Variants in MAP2 observed in about 807,000 individuals in gnomAD.
MAP2 encodes microtubule associated protein 2, also known as microtubule-associated protein 2.
A neutral mutation model predicts 137.6 loss-of-function variants in MAP2; 14 were observed. The observed-to-expected ratio is 0.10, with a 90% CI of 0.07 to 0.16. MAP2 has a LOEUF of 0.16. Among genes scored for constraint, MAP2 ranks in the 10% least tolerant of loss-of-function variants. The pLI, the probability that MAP2 is intolerant of heterozygous loss-of-function variation, is 1.00. For missense variants in MAP2, 2,088 were observed against 2,191.5 expected, an observed-to-expected ratio of 0.95 and a Z score of 0.94; for synonymous variants, 786 against 782.3, an observed-to-expected ratio of 1.00 and a Z score of -0.08.
intron 1 of MAP2, among the ~76,000 whole-genome samples, chr2:209,458,168 A>T (rs1559187009): frequency 1.3e-5 from 2 of 152,062 alleles, no homozygotes; most frequent in African/African-American, 4.8e-5. Context: ...GCTTGGCTAT[A>T]CTCCCAGAAC....
At chr2:209,637,019 A>G (rs2093625213) in intron 4 of MAP2, among the ~76,000 whole-genome samples, 2 of 152,182 alleles carry the variant, frequency 1.3e-5, no homozygotes, top group Non-Finnish European at 2.9e-5. Context: ...TTGAAATTAT[A>G]CATTAAAAGT....
chr2:209,617,370 C>A (rs965662669), intron 3 of MAP2, among the ~76,000 whole-genome samples: 1 of 152,110 alleles, frequency 6.6e-6, no homozygotes. Flanking sequence ...CTTGCCAAAC[C>A]TACCTAATCA....
chr2:209,434,941 ATG>A (rs1403636697), intron 1 of MAP2, among the ~76,000 whole-genome samples: 59 of 141,140 alleles, frequency 4.2e-4, no homozygotes, highest in Non-Finnish European at 2.0e-4. Flanking sequence ...TGTTATATAT[ATG>A]TGTTTTATAT....
At chr2:209,587,712 A>C (rs2078117444) in intron 3 of MAP2, among the ~76,000 whole-genome samples, 1 of 152,152 alleles carries the variant, frequency 6.6e-6, no homozygotes. Flanking sequence ...CCATCCTTCA[A>C]GGCAGAGTAG....
intron 1 of MAP2, among the ~76,000 whole-genome samples, chr2:209,501,037 C>CAG: frequency 8.7e-6 from 1 of 115,368 alleles, no homozygotes; most frequent in South Asian, 3.1e-4. Context: ...GACCCTGTCT[C>CAG]AAAAAAAAAA....
In MAP2 at chr2:209,695,488, T is replaced by G; in HGVS notation, c.3318T>G (p.Ser1106Arg). 1 of 1,613,974 alleles carries G rather than the reference T, an allele frequency of 6.2e-7. No individual in the cohort carries two copies. Among genetic ancestry groups the G allele is most frequent in the Middle Eastern group, 1.7e-4 (1 of 6,060 alleles). Residue 1106 changes from serine (S) to arginine (R), a missense_variant, in exon 8 of 16, where the codon AGT becomes AGG. This residue lies in a region of MAP2 where 500 missense variants were observed against 482.9 expected (regional missense o/e 1.04). Transcript: ENST00000682079. ...SGHMKEGTKV[S>R]ETEVKEKVAK... ...ACATGAAAGAAGGCACTAAAGTTAGTGAGACAGAAGTCAAAGAGAAGGTGG... is the reference window on the plus strand; with the variant it reads ...ACATGAAAGAAGGCACTAAAGTTAGGGAGACAGAAGTCAAAGAGAAGGTGG...
chr2:209,702,257 A>G (rs1397561034), intron 11 of MAP2, among the ~76,000 whole-genome samples: 1 of 152,028 alleles, frequency 6.6e-6, no homozygotes, highest in African/African-American at 2.4e-5. Context: ...CTGACACAAA[A>G]CAACCTTTTT....
At chr2:209,478,926 A>G (rs1347571686) in intron 1 of MAP2, among the ~76,000 whole-genome samples, 1 of 152,208 alleles carries the variant, frequency 6.6e-6, no homozygotes, top group African/African-American at 2.4e-5. Context: ...GGTTTGAAAC[A>G]ACTTTTTTAA....
chr2:209,634,408 C>T (rs1343603941), intron 4 of MAP2, among the ~76,000 whole-genome samples: 4 of 152,102 alleles, frequency 2.6e-5, no homozygotes, highest in Non-Finnish European at 5.9e-5. Context: ...CGTTGTTTGT[C>T]CTCTTCGTAG....
intron 2 of MAP2, among the ~76,000 whole-genome samples, chr2:209,513,751 C>A (rs183295495): frequency 1.3e-5 from 2 of 152,042 alleles, no homozygotes; most frequent in Non-Finnish European, 2.9e-5. Flanking sequence ...GGATGTCAGG[C>A]TGTCAAAATG....
chr2:209,682,857 A>T (rs2055289127), intron 7 of MAP2, among the ~76,000 whole-genome samples: 1 of 152,122 alleles, frequency 6.6e-6, no homozygotes, highest in South Asian at 2.1e-4. Flanking sequence ...TTTCATTCTG[A>T]ATGCAGCGGG....
chr2:209,713,214 T>C (rs1359976621), intron 13 of MAP2, among the ~76,000 whole-genome samples: 5 of 152,220 alleles, frequency 3.3e-5, no homozygotes, highest in African/African-American at 9.6e-5. Flanking sequence ...GTGCAATCTC[T>C]AAAAATTGGT....
Position 209,695,102 on chromosome 2 carries a change from A to G in MAP2, c.2932A>G (p.Lys978Glu), listed in dbSNP as rs1294658250. The G allele has an allele frequency of 6.2e-7, 1 of 1,614,182 alleles. No individual in the cohort carries two copies. The highest frequency in any genetic ancestry group is 1.7e-5 in the Admixed American group (1 of 60,026). The change falls in exon 8 of 16, where the codon AAG becomes GAG. Residue 978 changes from lysine to glutamate, a missense_variant. Lys to Glu is a moderately conservative substitution (Grantham distance 56). Coordinates refer to ENST00000682079, the MANE Select transcript of MAP2 (RefSeq NM_001375505.1). ...ACATGCTGATTCAAAAGAACATGCC[A>G]AGAAAACTGAAGAGGCTGGTGATGA... The part of the protein sequence containing the change: ...EEHADSKEHA[K>E]KTEEAGDEIE...
chr2:209,470,985 A>G (rs957094284), intron 1 of MAP2, among the ~76,000 whole-genome samples: 1 of 152,092 alleles, frequency 6.6e-6, no homozygotes, highest in African/African-American at 2.4e-5. Context: ...CAAACTTATC[A>G]GTATTCATGT....
At chr2:209,476,584 A>G (rs963912482) in intron 1 of MAP2, among the ~76,000 whole-genome samples, 37 of 152,220 alleles carry the variant, frequency 2.4e-4, no homozygotes, top group African/African-American at 8.9e-4. Flanking sequence ...AAGCTTTTTC[A>G]CCAACCTTGG....
chr2:209,443,131 C>A (rs1375432723), intron 1 of MAP2, among the ~76,000 whole-genome samples: 1 of 151,492 alleles, frequency 6.6e-6, no homozygotes, highest in African/African-American at 2.4e-5. Flanking sequence ...TTATTTTCAG[C>A]CACTCCCTTC....
intron 1 of MAP2, among the ~76,000 whole-genome samples, chr2:209,437,862 A>G (rs1276313942): frequency 6.6e-6 from 1 of 151,082 alleles, no homozygotes; most frequent in Admixed American, 6.6e-5. Context: ...TGTATTTGAG[A>G]TAAGTCGTTC....
In MAP2 at chr2:209,673,771, A is replaced by G. The variant is rs930988732; in HGVS notation, c.263-4801A>G. Among the ~76,000 whole-genome samples the G allele has an allele frequency of 3.3e-5, 5 of 151,896 alleles. 1 individual carries two copies. Among genetic ancestry groups the G allele is most frequent in the South Asian group, 4.1e-4 (2 of 4,836 alleles). Reference sequence around the variant, plus strand: ...TTCTAACAACTAAGTCCTGGTTGTTATAACTTTACACCTATGTTTGGAAGA... The same window carrying G: ...TTCTAACAACTAAGTCCTGGTTGTTGTAACTTTACACCTATGTTTGGAAGA... On this transcript the variant is annotated intron_variant, in intron 5 of 15. Coordinates refer to ENST00000682079, the MANE Select transcript of MAP2 (RefSeq NM_001375505.1).
chr2:209,486,466 C>T (rs2058394704), intron 1 of MAP2, among the ~76,000 whole-genome samples: 1 of 152,166 alleles, frequency 6.6e-6, no homozygotes. Context: ...TCATGATCCA[C>T]CCGCCTCAGC....
Sources: allele counts gnomAD v4.1 joint callset (sites outside exome capture counted in the v4.1 genomes callset), GRCh38; gene constraint gnomAD v4.1.1; regional missense constraint gnomAD v4.1.1; transcripts MANE v1.5; gene names NCBI Gene and HGNC (gene_info 2026-07-23, HGNC 2026-07-21).